The following TASP1 variants were observed in gnomAD, a reference collection of about 807,000 sequenced individuals.
The protein encoded by TASP1 is threonine aspartase 1.
TASP1 carries 16 observed loss-of-function variants against 56.6 expected under a neutral mutation model. The observed-to-expected ratio is 0.28, with a 90% CI of 0.19 to 0.43. The LOEUF is 0.43. Ranked by LOEUF, TASP1 falls within the 20% of genes least tolerant of loss-of-function variation. The pLI is 1.00. For synonymous variants in TASP1, 179 were observed against 184.2 expected, an observed-to-expected ratio of 0.97 and a Z score of 0.23; for missense variants, 393 against 511.6, an observed-to-expected ratio of 0.77 and a Z score of 2.24.
chr20:13,172,295 GA>G, the TASP1 span, among the ~76,000 whole-genome samples: 11 of 151,740 alleles, frequency 7.2e-5, no homozygotes, highest in Non-Finnish European at 1.6e-4. Context: ...TTTTCAGCTA[GA>G]AAAAAAATTT....
chr20:13,108,627 T>C, the TASP1 span, among the ~76,000 whole-genome samples: 13 of 152,172 alleles, frequency 8.5e-5, no homozygotes, highest in Non-Finnish European at 1.6e-4. Context: ...CAGGCTGAAG[T>C]GCAGTGGTGT....
the TASP1 span, among the ~76,000 whole-genome samples, chr20:13,366,268 GT>G: frequency 6.6e-6 from 1 of 152,180 alleles, no homozygotes; most frequent in Non-Finnish European, 1.5e-5. Context: ...AAGATCATCT[GT>G]GAAGAAAAGA....
chr20:13,183,117 T>G, the TASP1 span, among the ~76,000 whole-genome samples: 1 of 152,222 alleles, frequency 6.6e-6, no homozygotes, highest in Non-Finnish European at 1.5e-5. Context: ...TAAAAAATGT[T>G]TATACAATAG....
the TASP1 span, among the ~76,000 whole-genome samples, chr20:13,300,898 A>G: frequency 6.6e-6 from 1 of 152,370 alleles, no homozygotes; most frequent in African/African-American, 2.4e-5. Context: ...AAGCCAAACC[A>G]GAGCAAAGGC....
intron 11 of TASP1, among the ~76,000 whole-genome samples, chr20:13,435,401 A>G (rs2042967041): frequency 6.6e-6 from 1 of 152,146 alleles, no homozygotes; most frequent in South Asian, 2.1e-4. Flanking sequence ...AATGTGCATT[A>G]CTGTATTCAG....
At chr20:13,311,216 T>TAGATAGATAGATAGATA in the TASP1 span, among the ~76,000 whole-genome samples, 11 of 133,298 alleles carry the variant, frequency 8.3e-5, no homozygotes, top group African/African-American at 2.6e-4. Context: ...TATAGATAGA[T>TAGATAGATAGATAGATA]GATAGATAGA....
At chr20:13,128,718 T>A in the TASP1 span, among the ~76,000 whole-genome samples, 1 of 151,314 alleles carries the variant, frequency 6.6e-6, no homozygotes, top group Non-Finnish European at 1.5e-5. Context: ...TGAGACAGAG[T>A]CTTGCTCTGT....
At chr20:13,554,141 G>A (rs1330498638) in intron 8 of TASP1, among the ~76,000 whole-genome samples, 1 of 152,114 alleles carries the variant, frequency 6.6e-6, no homozygotes, top group Non-Finnish European at 1.5e-5. Context: ...TCACATCCAT[G>A]AGGCAAAGGT....
chr20:13,353,405 C>A, the TASP1 span, among the ~76,000 whole-genome samples: 1 of 152,178 alleles, frequency 6.6e-6, no homozygotes, highest in Non-Finnish European at 1.5e-5. Flanking sequence ...GGCTCACCTT[C>A]ATTTACTTAA....
the TASP1 span, among the ~76,000 whole-genome samples, chr20:13,265,814 T>G: frequency 6.6e-6 from 1 of 152,174 alleles, no homozygotes; most frequent in Non-Finnish European, 1.5e-5. Context: ...GCATTGTCAA[T>G]GTTAACATTA....
chr20:13,552,257 C>T (rs1018146193), intron 8 of TASP1, among the ~76,000 whole-genome samples: 1 of 152,140 alleles, frequency 6.6e-6, no homozygotes, highest in Admixed American at 6.5e-5. Flanking sequence ...TGATGCACAT[C>T]ACGATCAGTG....
chr20:13,608,818 T>C (rs1395177108), intron 4 of TASP1, among the ~76,000 whole-genome samples: 1 of 152,216 alleles, frequency 6.6e-6, no homozygotes, highest in Non-Finnish European at 1.5e-5. Context: ...AAAAACATTC[T>C]TACCTACATG....
intron 12 of TASP1, among the ~76,000 whole-genome samples, chr20:13,424,064 A>C (rs1336538672): frequency 6.6e-6 from 1 of 152,226 alleles, no homozygotes; most frequent in Non-Finnish European, 1.5e-5. Flanking sequence ...TTCAAAGGGC[A>C]ATCAAAACAA....
At chr20:13,149,923 C>T in the TASP1 span, among the ~76,000 whole-genome samples, 10 of 152,170 alleles carry the variant, frequency 6.6e-5, no homozygotes, top group African/African-American at 1.9e-4. Context: ...CAGGCACTTC[C>T]AGGCCAGGAA....
chr20:13,202,928 G>A, the TASP1 span, among the ~76,000 whole-genome samples: 1 of 152,220 alleles, frequency 6.6e-6, no homozygotes, highest in South Asian at 2.1e-4. Context: ...AGTTCACTAT[G>A]TACACAGAAG....
the TASP1 span, among the ~76,000 whole-genome samples, chr20:13,118,339 T>C: frequency 6.6e-6 from 1 of 151,426 alleles, no homozygotes; most frequent in Non-Finnish European, 1.5e-5. Flanking sequence ...AATCCTGCCA[T>C]TCTCCAATAT....
the TASP1 span, among the ~76,000 whole-genome samples, chr20:13,347,858 T>A: frequency 0.18 from 27,350 of 148,204 alleles, 2,797 homozygotes; most frequent in African/African-American, 0.27. Flanking sequence ...AAAAAAAAAA[T>A]GGATAATTTT....
At chr20:13,394,485 A>G (rs1289872075) in intron 13 of TASP1, among the ~76,000 whole-genome samples, 24 of 150,682 alleles carry the variant, frequency 1.6e-4, no homozygotes, top group African/African-American at 2.9e-4. Flanking sequence ...GGTGGCAGGC[A>G]CCTGTAGTCC....
At chr20:13,183,319 A>C in the TASP1 span, among the ~76,000 whole-genome samples, 1 of 152,210 alleles carries the variant, frequency 6.6e-6, no homozygotes, top group African/African-American at 2.4e-5. Flanking sequence ...CTTAGCTGAG[A>C]TATTAAGACC....
Sources: allele counts gnomAD v4.1 joint callset (sites outside exome capture counted in the v4.1 genomes callset), GRCh38; gene constraint gnomAD v4.1.1; transcripts MANE v1.5; gene names NCBI Gene and HGNC (gene_info 2026-07-23, HGNC 2026-07-21).